Variants in RAP1B observed in about 807,000 individuals in gnomAD.
The protein encoded by RAP1B is ras-related protein Rap-1b.
RAP1B carries 1 observed loss-of-function variant against 27.5 expected under a neutral mutation model. The ratio of observed to expected loss-of-function variants is 0.04; its 90% CI spans 0.01 to 0.17. The LOEUF is 0.17. Among genes scored for constraint, RAP1B ranks in the 10% least tolerant of loss-of-function variants. The pLI, the probability that RAP1B is intolerant of heterozygous loss-of-function variation, is 1.00. For missense variants in RAP1B, 84 were observed against 214.8 expected (o/e 0.39, Z 3.81); for synonymous variants, 75 against 73.1 (o/e 1.03, Z -0.13).
chr12:68,637,428 C>G (rs962817638), intron 1 of RAP1B, among the ~76,000 whole-genome samples: 13 of 151,648 alleles, frequency 8.6e-5, no homozygotes, highest in Non-Finnish European at 1.5e-4. Context: ...TGAAACCCCA[C>G]CTCTACTAAA....
intron 7 of RAP1B, 73 bp from the exon 8 acceptor site, chr12:68,659,207 T>G (rs192919407): frequency 6.6e-5 from 30 of 454,412 alleles, no homozygotes; most frequent in African/African-American, 5.4e-4. Context: ...TAAGACTGTT[T>G]TCTTAACTGT....
At chr12:68,614,508 C>T (rs989086285) in intron 1 of RAP1B, among the ~76,000 whole-genome samples, 4 of 152,168 alleles carry the variant, frequency 2.6e-5, no homozygotes, top group African/African-American at 4.8e-5. Flanking sequence ...AGTGATGTCA[C>T]GTGTTCACTC....
rs1874843453 is a variant in RAP1B, at chr12:68,666,224, T to TA, written c.*6975_*6976insA. On this transcript the variant is annotated 3_prime_UTR_variant, in exon 8 of 8. Transcript: ENST00000250559. ...TAATGTAAACTTTATTTTCTCTCAA[T>TA]TTTCGTAAGTGGTATTTTGGTGCTT... 6.6e-6 allele frequency: 1 copy of TA among 152,238 alleles called. No individual in the cohort carries two copies. The highest frequency in any genetic ancestry group is 1.5e-5 in the Non-Finnish European group (1 of 68,038). 9.4% of individuals were successfully genotyped at this position (152,238 alleles called of 1,614,324 possible).
In RAP1B at chr12:68,634,506, G is replaced by GGGA. The variant is rs1219089300; in HGVS notation, c.-26-14188_-26-14186dup. Among the ~76,000 whole-genome samples, 8 of 151,960 alleles carry GGGA rather than the reference G, an allele frequency of 5.3e-5. No homozygotes were observed. In the East Asian group the frequency reaches 1.6e-3, roughly 29 times the overall value. ...AGTCACATCTAGAGAATTGGGAGCA[G>GGGA]GGAGGAGTTCTACACAAATACAGCC... is the stretch of plus-strand genomic sequence containing the variant. On this transcript the variant is annotated intron_variant, in intron 1 of 7. Coordinates refer to ENST00000250559, the MANE Select transcript of RAP1B (RefSeq NM_001010942.3).
chr12:68,650,593 A>T, intron 3 of RAP1B, 125 bp downstream of exon 3: 1 of 910,764 alleles, frequency 1.1e-6, no homozygotes, highest in South Asian at 2.8e-5. Context: ...TTAGTGGGAA[A>T]AGTTTACACT....
At chr12:68,650,298 T>A in intron 2 of RAP1B, 102 bp from the exon 3 acceptor site, 2 of 1,067,192 alleles carry the variant, frequency 1.9e-6, no homozygotes, top group Non-Finnish European at 1.3e-6. Context: ...TTTTTTTTCA[T>A]TGATGGTGTA....
In RAP1B at chr12:68,665,070, CTT is replaced by C. The variant is rs1488893505; in HGVS notation, c.*5822_*5823del. ...TTGGGAGGCTGAGGTAGGAGGAACT[CTT>C]GAGCTCCGGTGGTTTGAGGCCAGCA... is the stretch of plus-strand genomic sequence containing the variant. On this transcript the variant is annotated 3_prime_UTR_variant, in exon 8 of 8. Transcript: ENST00000250559. The C allele has an allele frequency of 4.6e-5, 7 of 152,304 alleles. No individual in the cohort carries two copies. The highest frequency in any genetic ancestry group is 3.3e-4 in the Admixed American group (5 of 15,286). The allele number at this position is 152,304 out of a possible 1,614,324, so 9.4% of individuals were successfully genotyped here. A position where few individuals can be genotyped will look rare whatever the true frequency, so the allele number is the denominator to read the frequency against.
At chr12:68,645,350 C>A (rs1873330042) in intron 1 of RAP1B, among the ~76,000 whole-genome samples, 1 of 152,212 alleles carries the variant, frequency 6.6e-6, no homozygotes, top group Non-Finnish European at 1.5e-5. Context: ...AAAATTGTCC[C>A]CCCATGGGGT....
chr12:68,642,562 G>A lies in RAP1B; in HGVS notation c.-26-6137G>A, dbSNP rs571986884. On this transcript the variant is annotated intron_variant, in intron 1 of 7. Transcript: ENST00000250559. ...GAGGCCAATAAGGATACTTTTTCTC[G>A]TCTAATTTGGTTTCTGGGAAAGCTT... 171 of 1,071,688 alleles carry A rather than the reference G, an allele frequency of 1.6e-4. 4 individuals carry two copies. In the South Asian group the frequency reaches 2.0e-3, roughly 13 times the overall value. 66.4% of individuals were successfully genotyped at this position (1,071,688 alleles called of 1,614,324 possible). A position where few individuals can be genotyped will look rare whatever the true frequency, so the allele number is the denominator to read the frequency against.
intron 1 of RAP1B, chr12:68,627,278 A>C: frequency 1.1e-6 from 1 of 892,152 alleles, no homozygotes; most frequent in Non-Finnish European, 1.9e-6. Flanking sequence ...AATACAACAC[A>C]CAGGCTGCAT....
intron 1 of RAP1B, among the ~76,000 whole-genome samples, chr12:68,615,378 A>G (rs984455810): frequency 7.9e-5 from 12 of 152,140 alleles, no homozygotes; most frequent in Non-Finnish European, 1.5e-5. Flanking sequence ...TTTCCATCTG[A>G]TTTTTATTGT....
At chr12:68,616,564 G>A (rs1393513953) in intron 1 of RAP1B, among the ~76,000 whole-genome samples, 1 of 149,152 alleles carries the variant, frequency 6.7e-6, no homozygotes, top group East Asian at 2.0e-4. Context: ...TCCTGCCTTA[G>A]CTAGTACTAC....
chr12:68,662,680 TCTTA>T lies in RAP1B; in HGVS notation c.*3434_*3437del, dbSNP rs1426571931. 1 of 152,188 alleles carries T rather than the reference TCTTA, an allele frequency of 6.6e-6. No homozygotes were observed. The highest frequency in any genetic ancestry group is 1.5e-5 in the Non-Finnish European group (1 of 68,036). 9.4% of individuals were successfully genotyped at this position (152,188 alleles called of 1,614,324 possible). On this transcript the variant is annotated 3_prime_UTR_variant, in exon 8 of 8. Transcript: ENST00000250559. ...AGTTATAGTGTTTTACAATTAATAC[TCTTA>T]CTATTACCTTAGAAGCCTTAAAAGT...
chr12:68,622,375 C>T (rs1871443424), intron 1 of RAP1B, among the ~76,000 whole-genome samples: 1 of 152,158 alleles, frequency 6.6e-6, no homozygotes, highest in Admixed American at 6.5e-5. Context: ...CATGTAATAC[C>T]CTCCGGTCCC....
chr12:68,618,482 C>T (rs1228174774), intron 1 of RAP1B, among the ~76,000 whole-genome samples: 3 of 152,160 alleles, frequency 2.0e-5, no homozygotes, highest in African/African-American at 7.2e-5. Flanking sequence ...ATTAGTGTAA[C>T]AAATGAATTA....
intron 1 of RAP1B, among the ~76,000 whole-genome samples, chr12:68,630,429 A>T (rs907645151): frequency 2.0e-5 from 3 of 152,162 alleles, no homozygotes; most frequent in Non-Finnish European, 4.4e-5. Context: ...AACAAAAACA[A>T]AAAAACAGGG....
rs1295070858 is a variant in RAP1B, at chr12:68,671,892, G to A, written c.*12643G>A. 6.6e-6 allele frequency: 1 copy of A among 152,016 alleles called. No homozygotes were observed. Among genetic ancestry groups the A allele is most frequent in the Non-Finnish European group, 1.5e-5 (1 of 68,010 alleles). The allele number at this position is 152,016 out of a possible 1,614,324, so 9.4% of individuals were successfully genotyped here. Reference sequence around the variant, plus strand: ...ATGCATTAATAAAAATTATGGTGCTGGCAACAGTATCATGGATGACTGTAT... The same window carrying A: ...ATGCATTAATAAAAATTATGGTGCTAGCAACAGTATCATGGATGACTGTAT... On this transcript the variant is annotated 3_prime_UTR_variant, in exon 8 of 8. Coordinates refer to ENST00000250559, the MANE Select transcript of RAP1B (RefSeq NM_001010942.3).
At chr12:68,658,808 GATTATCT>G (rs1874410515) in intron 7 of RAP1B, among the ~76,000 whole-genome samples, 1 of 152,164 alleles carries the variant, frequency 6.6e-6, no homozygotes, top group Non-Finnish European at 1.5e-5. Context: ...GGAAGAACTT[GATTATCT>G]GATACTAGAA....
chr12:68,619,661 T>C lies in RAP1B; in HGVS notation c.-27+8618T>C, dbSNP rs958576671. Among the ~76,000 whole-genome samples, 12 of 152,382 alleles carry C rather than the reference T, an allele frequency of 7.9e-5. No homozygotes were observed. The East Asian group carries it at 1.7e-3, about 22-fold the overall frequency. ...TGTCTAATGTATTTTGTATTACTTATTTTTCCATGCTTTGCTCTCAGTGTT... is the reference window on the plus strand; with the variant it reads ...TGTCTAATGTATTTTGTATTACTTACTTTTCCATGCTTTGCTCTCAGTGTT... On this transcript the variant is annotated intron_variant, in intron 1 of 7. Coordinates refer to ENST00000250559, the MANE Select transcript of RAP1B (RefSeq NM_001010942.3).
Sources: allele counts gnomAD v4.1 joint callset (sites outside exome capture counted in the v4.1 genomes callset), GRCh38; gene constraint gnomAD v4.1.1; transcripts MANE v1.5; gene names NCBI Gene and HGNC (gene_info 2026-07-23, HGNC 2026-07-21).